The following DYRK1A variants were observed in gnomAD, a reference collection of about 807,000 sequenced individuals.
DYRK1A encodes dual specificity tyrosine phosphorylation regulated kinase 1A.
Under a neutral mutation model 79.7 loss-of-function variants are expected in DYRK1A, and 9 were observed. The ratio of observed to expected loss-of-function variants is 0.11; its 90% CI spans 0.07 to 0.20. The LOEUF (loss-of-function observed/expected upper bound fraction) is 0.20, where lower values mean the gene tolerates loss of function less well. Among genes scored for constraint, DYRK1A ranks in the 10% least tolerant of loss-of-function variants. DYRK1A has a pLI of 1.00. For synonymous variants in DYRK1A, 349 were observed against 329.7 expected (o/e 1.06, Z -0.63); for missense variants, 622 against 956.0 (o/e 0.65, Z 4.61).
chr21:37,403,673 G>A (rs868854252), intron 1 of DYRK1A, among the ~76,000 whole-genome samples: 10,333 of 130,978 alleles, frequency 0.079, 538 homozygotes, highest in Non-Finnish European at 0.096. Context: ...ATGTGTGTGT[G>A]TGTGTGTGTG....
Position 37,512,169 on chromosome 21 carries a change from G to T in DYRK1A, c.1903G>T (p.Asp635Tyr). 1.2e-6 allele frequency: 2 copies of T among 1,614,194 alleles called. No homozygotes were observed. The highest frequency in any genetic ancestry group is 2.2e-5 in the South Asian group (2 of 91,088). ...TCCAACGAATAGCTCCTCTACCCAAGATTCTATGGAGGTTGGCCACAGTCA... is the reference window on the plus strand; with the variant it reads ...TCCAACGAATAGCTCCTCTACCCAATATTCTATGGAGGTTGGCCACAGTCA... The part of the protein sequence containing the change: ...NSPTNSSSTQ[D>Y]SMEVGHSHHS... Residue 635 changes from aspartate to tyrosine, a missense_variant, in exon 12 of 12, where the codon GAT becomes TAT. By Grantham distance (160) the Asp-to-Tyr change is radical. Coordinates refer to ENST00000647188, the MANE Select transcript of DYRK1A (RefSeq NM_001347721.2).
At chr21:37,373,802 A>G (rs2049481829) in intron 1 of DYRK1A, among the ~76,000 whole-genome samples, 1 of 152,208 alleles carries the variant, frequency 6.6e-6, no homozygotes, top group Non-Finnish European at 1.5e-5. Flanking sequence ...ATAGGTGACT[A>G]TTTGGCTGAA....
At chr21:37,378,335 C>T (rs564740731) in intron 1 of DYRK1A, among the ~76,000 whole-genome samples, 90 of 152,276 alleles carry the variant, frequency 5.9e-4, no homozygotes, top group Non-Finnish European at 1.1e-3. Context: ...GAGTTTGAGA[C>T]GACCCTGACC....
In DYRK1A at chr21:37,416,317, C is replaced by CTTTT. The variant is rs775621138; in HGVS notation, c.-76-3965_-76-3962dup. Among the ~76,000 whole-genome samples the CTTTT allele has an allele frequency of 2.0e-3, 195 of 98,136 alleles. 1 individual carries two copies. Among genetic ancestry groups the CTTTT allele is most frequent in the African/African-American group, 6.8e-3 (174 of 25,634 alleles). 64.4% of individuals were successfully genotyped at this position (98,136 alleles called of 152,430 possible). On this transcript the variant is annotated intron_variant, in intron 1 of 11. Transcript: ENST00000647188. The stretch of plus-strand genomic sequence containing the variant: ...TCTTTATAAAGTCTTGTGTTTTGGC[C>CTTTT]TTTTTTTTTTTTTTTTTTTTAAAGA...
In DYRK1A at chr21:37,382,234, A is replaced by AT. The variant is rs962549148; in HGVS notation, c.-77+14615dup. The stretch of plus-strand genomic sequence containing the variant: ...TTTTTTTTTTAAAAAAAAAAATTAA[A>AT]TTTTTTTTTATAGTGATCTCACTTT... On this transcript the variant is annotated intron_variant, in intron 1 of 11. Coordinates refer to ENST00000647188, the MANE Select transcript of DYRK1A (RefSeq NM_001347721.2). Among the ~76,000 whole-genome samples, 28 of 150,602 alleles carry AT rather than the reference A, an allele frequency of 1.9e-4. No homozygotes were observed. In the South Asian group the frequency reaches 3.8e-3, roughly 20 times the overall value.
rs1483709883 is a variant in DYRK1A at position 37,367,345 on chromosome 21, C to G, written c.-360C>G. 2.4e-3 allele frequency: 1 copy of G among 410 alleles called. No homozygotes were observed. Among genetic ancestry groups the G allele is most frequent in the Non-Finnish European group, 4.5e-3 (1 of 222 alleles). The allele number at this position is 410 out of a possible 1,614,324, so 0.0% of individuals were successfully genotyped here. On this transcript the variant is annotated 5_prime_UTR_variant, in exon 1 of 12. Coordinates refer to ENST00000647188, the MANE Select transcript of DYRK1A (RefSeq NM_001347721.2). ...CGCCCGGCCTCGCCGACGCCGCCCTCTGCGCCGGGCCGGCCGTGCGGCCCC... is the reference window on the plus strand; with the variant it reads ...CGCCCGGCCTCGCCGACGCCGCCCTGTGCGCCGGGCCGGCCGTGCGGCCCC...
intron 2 of DYRK1A, among the ~76,000 whole-genome samples, chr21:37,429,596 G>A (rs1334567002): frequency 6.6e-6 from 1 of 152,154 alleles, no homozygotes; most frequent in African/African-American, 2.4e-5. Context: ...AGAATAGCAA[G>A]GGGGAGGTGT....
chr21:37,446,595 T>A (rs75077151), intron 2 of DYRK1A, among the ~76,000 whole-genome samples: 1 of 151,610 alleles, frequency 6.6e-6, no homozygotes, highest in South Asian at 2.1e-4. Flanking sequence ...TTTTTTTTTT[T>A]AATTTGAGTG....
rs187909234 is a variant in DYRK1A at position 37,526,217 on chromosome 21, A to G, written c.*13686A>G. Reference sequence around the variant, plus strand: ...CAATGCAAACCCAAAAGAAATTTTTATATTTCAGAATCCATTGATCTGCAT... The same window carrying G: ...CAATGCAAACCCAAAAGAAATTTTTGTATTTCAGAATCCATTGATCTGCAT... On this transcript the variant is annotated 3_prime_UTR_variant, in exon 12 of 12. Transcript: ENST00000647188. 8 of 152,344 alleles carry G rather than the reference A, an allele frequency of 5.3e-5. No individual in the cohort carries two copies. The highest frequency in any genetic ancestry group is 2.0e-4 in the Admixed American group (3 of 15,310). 9.4% of individuals were successfully genotyped at this position (152,344 alleles called of 1,614,324 possible). A position where few individuals can be genotyped will look rare whatever the true frequency, so the allele number is the denominator to read the frequency against.
chr21:37,512,085 C>G lies in DYRK1A; in HGVS notation c.1819C>G (p.His607Asp), dbSNP rs760957728. The G allele has an allele frequency of 1.1e-5, 17 of 1,614,020 alleles. No homozygotes were observed. The highest frequency in any genetic ancestry group is 4.0e-5 in the African/African-American group (3 of 74,906). The change falls in exon 12 of 12, where the codon CAC becomes GAC. Residue 607 changes from histidine to aspartate, a missense_variant. Physicochemically the swap from His to Asp is moderately conservative, Grantham distance 81 (BLOSUM62 -1). Transcript: ENST00000647188. ...SHHHHHHHHHHHHHGQQALGN... is the reference protein window; with the variant it reads ...SHHHHHHHHHDHHHGQQALGN... ...TCACCATCACCACCACCACCACCAT[C>G]ACCACCACCATGGACAACAAGCCTT... is the stretch of plus-strand genomic sequence containing the variant.
chr21:37,479,621 T>TTTTTG (rs2052556882), intron 4 of DYRK1A, among the ~76,000 whole-genome samples: 1 of 104,194 alleles, frequency 9.6e-6, no homozygotes, highest in Non-Finnish European at 1.8e-5. Flanking sequence ...TGTTTTTTGT[T>TTTTTG]TTTTTTTTTT....
chr21:37,494,290 G>A (rs2053191308), intron 8 of DYRK1A, among the ~76,000 whole-genome samples: 1 of 151,182 alleles, frequency 6.6e-6, no homozygotes, highest in African/African-American at 2.4e-5. Context: ...GTGTAAATTA[G>A]TATCTTTCTT....
chr21:37,366,740 G>C (rs995025532), upstream of DYRK1A, among the ~76,000 whole-genome samples: 5 of 152,030 alleles, frequency 3.3e-5, no homozygotes, highest in African/African-American at 1.2e-4. Context: ...ACGTCAGCCG[G>C]GGTTTTGCGT....
intron 2 of DYRK1A, among the ~76,000 whole-genome samples, chr21:37,427,369 C>A (rs1346011087): frequency 6.6e-6 from 1 of 152,230 alleles, no homozygotes; most frequent in African/African-American, 2.4e-5. Context: ...AGTGATTCTT[C>A]CGCCTTAACC....
At chr21:37,384,935 A>G (rs896500779) in intron 1 of DYRK1A, among the ~76,000 whole-genome samples, 3 of 152,128 alleles carry the variant, frequency 2.0e-5, no homozygotes, top group Non-Finnish European at 4.4e-5. Context: ...AACTCAGTCA[A>G]TAGAAATAGT....
intron 5 of DYRK1A, chr21:37,481,409 G>C (rs2052636272): frequency 6.6e-6 from 1 of 152,020 alleles, no homozygotes; most frequent in Non-Finnish European, 1.5e-5. Flanking sequence ...TATTTATTTA[G>C]AGACAGACTT....
chr21:37,419,747 G>T (rs1008106041), intron 1 of DYRK1A: 2 of 152,136 alleles, frequency 1.3e-5, no homozygotes, highest in Non-Finnish European at 2.9e-5. Context: ...AGGAAGTACT[G>T]TAAAAGAATT....
intron 5 of DYRK1A, chr21:37,481,781 G>A (rs2052650574): frequency 6.6e-6 from 1 of 152,158 alleles, no homozygotes; most frequent in Admixed American, 6.5e-5. Flanking sequence ...TGAAGCAGAA[G>A]GATCACCTGA....
chr21:37,442,045 C>T (rs1048043300), intron 2 of DYRK1A, among the ~76,000 whole-genome samples: 5 of 150,322 alleles, frequency 3.3e-5, no homozygotes, highest in Admixed American at 1.3e-4. Context: ...AAAAATGTTG[C>T]TGCACCATCT....
Sources: gnomAD v4.1 joint callset for allele counts (sites outside exome capture counted in the v4.1 genomes callset) on GRCh38, gnomAD v4.1.1 for gene constraint, MANE v1.5 for transcripts, NCBI Gene and HGNC (gene_info 2026-07-23, HGNC 2026-07-21) for gene names.